Variants in SDK1 observed in about 807,000 individuals in gnomAD.
SDK1 encodes the protein protein sidekick-1.
In SDK1, 157 loss-of-function variants were observed where a neutral mutation model predicts 245.5. That is an observed-to-expected ratio of 0.64 (90% confidence interval 0.56 to 0.73). The LOEUF is 0.73. Ranked by LOEUF, SDK1 falls within the 30% of genes least tolerant of loss-of-function variation. The pLI is 0.00. For missense variants in SDK1, 3,583 were observed against 3,002.3 expected (o/e 1.19, Z -4.52); for synonymous variants, 1,647 against 1,278.5 (o/e 1.29, Z -6.15).
At chr7:3,886,672 T>G (rs897941042) in intron 5 of SDK1, among the ~76,000 whole-genome samples, 1 of 152,234 alleles carries the variant, frequency 6.6e-6, no homozygotes, top group African/African-American at 2.4e-5. Flanking sequence ...CCCAGCATTT[T>G]GGGAGGCTGG....
At chr7:3,442,354 C>A (rs557135483) in intron 1 of SDK1, among the ~76,000 whole-genome samples, 1 of 152,316 alleles carries the variant, frequency 6.6e-6, no homozygotes, top group South Asian at 2.1e-4. Flanking sequence ...TTCATTACCA[C>A]CATAGGTGAC....
intron 5 of SDK1, among the ~76,000 whole-genome samples, chr7:3,841,508 A>T (rs1780157044): frequency 6.6e-6 from 1 of 152,128 alleles, no homozygotes; most frequent in Admixed American, 6.5e-5. Flanking sequence ...ACTGAGCTCC[A>T]GGTGGCTAGA....
chr7:3,846,582 C>G (rs540227320), intron 5 of SDK1, among the ~76,000 whole-genome samples: 7 of 152,172 alleles, frequency 4.6e-5, no homozygotes, highest in Admixed American at 1.3e-4. Context: ...TCTATAAATC[C>G]TCTCTAAACA....
At chr7:3,849,159 C>G (rs1215999147) in intron 5 of SDK1, among the ~76,000 whole-genome samples, 1 of 152,210 alleles carries the variant, frequency 6.6e-6, no homozygotes, top group Non-Finnish European at 1.5e-5. Context: ...TGAATGCACC[C>G]CTCCTCTGCT....
intron 13 of SDK1, chr7:3,974,852 G>C (rs768536323): frequency 1.7e-5 from 4 of 235,782 alleles, no homozygotes; most frequent in Non-Finnish European, 3.3e-5. Context: ...TTACCACTCT[G>C]CGCTTAAGTA....
At chr7:4,125,316 G>C (rs1284495440) in intron 25 of SDK1, among the ~76,000 whole-genome samples, 2 of 151,146 alleles carry the variant, frequency 1.3e-5, no homozygotes, top group Non-Finnish European at 2.9e-5. Flanking sequence ...TGAATCGATG[G>C]ATGGGTGAAT....
intron 1 of SDK1, among the ~76,000 whole-genome samples, chr7:3,378,036 C>A (rs1781397092): frequency 2.0e-5 from 3 of 152,172 alleles, no homozygotes; most frequent in Admixed American, 2.0e-4. Context: ...GCCTCGGCTT[C>A]CCAAAGTGCT....
intron 22 of SDK1, among the ~76,000 whole-genome samples, chr7:4,091,990 C>T (rs1389740378): frequency 5.9e-5 from 9 of 152,146 alleles, no homozygotes; most frequent in Non-Finnish European, 1.0e-4. Context: ...TCGTGACAAG[C>T]AGCGAGCAGA....
intron 35 of SDK1, among the ~76,000 whole-genome samples, chr7:4,199,619 T>C (rs565578071): frequency 1.3e-5 from 2 of 152,326 alleles, no homozygotes; most frequent in Admixed American, 1.3e-4. Flanking sequence ...TCTTTAAAGC[T>C]ACTCGGTTTG....
At chr7:3,586,043 C>G (rs1342773720) in intron 1 of SDK1, among the ~76,000 whole-genome samples, 2 of 152,072 alleles carry the variant, frequency 1.3e-5, no homozygotes, top group Admixed American at 6.5e-5. Context: ...CATTGCTGTG[C>G]TAAGTAAAGG....
intron 40 of SDK1, among the ~76,000 whole-genome samples, chr7:4,231,793 A>G (rs1025603417): frequency 6.6e-6 from 1 of 152,056 alleles, no homozygotes; most frequent in South Asian, 2.1e-4. Flanking sequence ...TACAATAGCA[A>G]TTTTCTGCCT....
intron 17 of SDK1, among the ~76,000 whole-genome samples, chr7:4,021,838 G>T (rs1181704034): frequency 1.3e-5 from 2 of 152,228 alleles, no homozygotes; most frequent in Admixed American, 6.5e-5. Context: ...GAAGCTCACA[G>T]CTTCTGCCTC....
chr7:3,684,931 C>T (rs75341973), intron 4 of SDK1, among the ~76,000 whole-genome samples: 1 of 152,026 alleles, frequency 6.6e-6, no homozygotes, highest in South Asian at 2.1e-4. Context: ...AAGAATGTAG[C>T]CAATCTGAAC....
chr7:3,653,510 A>G (rs1783070586), intron 4 of SDK1, among the ~76,000 whole-genome samples: 1 of 152,144 alleles, frequency 6.6e-6, no homozygotes, highest in African/African-American at 2.4e-5. Flanking sequence ...AGATGGTAAC[A>G]TGGATGTAAA....
At chr7:4,018,365 T>C (rs560760833) in intron 17 of SDK1, among the ~76,000 whole-genome samples, 1 of 152,226 alleles carries the variant, frequency 6.6e-6, no homozygotes, top group Admixed American at 6.5e-5. Context: ...TGACTGGCTG[T>C]CTGTTGTCAT....
rs1379523441 is a variant in SDK1, at chr7:3,691,891, G to A, written c.713+49786G>A. Among the ~76,000 whole-genome samples, 9 of 152,196 alleles carry A rather than the reference G, an allele frequency of 5.9e-5. 1 individual carries two copies. Among genetic ancestry groups the A allele is most frequent in the African/African-American group, 2.2e-4 (9 of 41,524 alleles). On this transcript the variant is annotated intron_variant, in intron 4 of 44. Coordinates refer to ENST00000404826, the MANE Select transcript of SDK1 (RefSeq NM_152744.4). Reference sequence around the variant, plus strand: ...AGGCAATGGGGGTGTCTTTAAGAAGGTAATAGCTTATCTGAGCCTTTTATC... The same window carrying A: ...AGGCAATGGGGGTGTCTTTAAGAAGATAATAGCTTATCTGAGCCTTTTATC...
chr7:4,209,624 A>G (rs996560382), intron 37 of SDK1, among the ~76,000 whole-genome samples: 3 of 152,118 alleles, frequency 2.0e-5, no homozygotes, highest in Non-Finnish European at 4.4e-5. Flanking sequence ...GGAGGGGTCA[A>G]GAGAGGCTTC....
intron 9 of SDK1, among the ~76,000 whole-genome samples, chr7:3,966,579 T>C (rs1180029237): frequency 6.6e-6 from 1 of 152,186 alleles, no homozygotes; most frequent in Non-Finnish European, 1.5e-5. Flanking sequence ...TGTATCTTTA[T>C]GGAGGTCTTT....
intron 1 of SDK1, among the ~76,000 whole-genome samples, chr7:3,508,598 G>T (rs547708319): frequency 2.0e-4 from 31 of 152,246 alleles, no homozygotes; most frequent in African/African-American, 7.2e-4. Flanking sequence ...AAAGTGTTGG[G>T]ATTACAGGTG....
Sources: allele counts gnomAD v4.1 joint callset (sites outside exome capture counted in the v4.1 genomes callset), GRCh38; gene constraint gnomAD v4.1.1; transcripts MANE v1.5; gene names NCBI Gene and HGNC (gene_info 2026-07-23, HGNC 2026-07-21).